The following KHDRBS3 variants were observed in gnomAD, a reference collection of about 807,000 sequenced individuals.
The protein encoded by KHDRBS3 is KH RNA binding domain containing, signal transduction associated 3, also known as KH domain-containing, RNA-binding, signal transduction-associated protein 3.
A neutral mutation model predicts 45.6 loss-of-function variants in KHDRBS3; 23 were observed. The observed-to-expected ratio is 0.50, with a 90% CI of 0.36 to 0.72. The LOEUF (loss-of-function observed/expected upper bound fraction) is 0.72. Ranked by LOEUF, KHDRBS3 falls within the 30% of genes least tolerant of loss-of-function variation. KHDRBS3 has a pLI of 0.00. For synonymous variants in KHDRBS3, 162 were observed against 156.5 expected, an observed-to-expected ratio of 1.04 and a Z score of -0.26; for missense variants, 352 against 424.8, an observed-to-expected ratio of 0.83 and a Z score of 1.51.
chr8:135,505,684 G>T (rs763157257), intron 1 of KHDRBS3, among the ~76,000 whole-genome samples: 13 of 152,098 alleles, frequency 8.5e-5, no homozygotes, highest in Non-Finnish European at 1.9e-4. Context: ...AGGAGCAAAA[G>T]AAGTAATTTG....
chr8:135,572,866 C>G (rs924444665), intron 5 of KHDRBS3, among the ~76,000 whole-genome samples: 1 of 152,204 alleles, frequency 6.6e-6, no homozygotes, highest in Non-Finnish European at 1.5e-5. Context: ...CTTTTGTCAG[C>G]CTTCTCATTT....
intron 1 of KHDRBS3, among the ~76,000 whole-genome samples, chr8:135,511,683 G>A (rs1824294575): frequency 6.6e-6 from 1 of 152,042 alleles, no homozygotes; most frequent in Non-Finnish European, 1.5e-5. Flanking sequence ...AGCCTCCCGA[G>A]TAGCTGGGAC....
intron 7 of KHDRBS3, among the ~76,000 whole-genome samples, chr8:135,638,800 T>C (rs890898907): frequency 2.3e-4 from 35 of 152,080 alleles, no homozygotes; most frequent in African/African-American, 7.5e-4. Flanking sequence ...ATACAAAAAT[T>C]AGCTGGGCAT....
Position 135,647,080 on chromosome 8 carries a change from A to T in KHDRBS3, c.1037A>T (p.Tyr346Phe). ...TACAGAGACCAGCCATATGGCAGAT[A>T]CTGATTGTACTGTCTGATGTTGTGA... Reference protein sequence around the residue: ...GVYRDQPYGRY With the variant: ...GVYRDQPYGRF The change falls in exon 9 of 9, where the codon TAC becomes TTC. Residue 346 changes from tyrosine to phenylalanine, a missense_variant. Physicochemically the swap from Tyr to Phe is conservative, Grantham distance 22. Coordinates refer to ENST00000355849, the MANE Select transcript of KHDRBS3 (RefSeq NM_006558.3). 1 of 1,559,090 alleles carries T rather than the reference A, an allele frequency of 6.4e-7. No individual in the cohort carries two copies. Among genetic ancestry groups the T allele is most frequent in the Non-Finnish European group, 8.8e-7 (1 of 1,130,018 alleles).
chr8:135,595,512 C>G (rs1828935551), intron 6 of KHDRBS3, among the ~76,000 whole-genome samples: 1 of 152,194 alleles, frequency 6.6e-6, no homozygotes, highest in Non-Finnish European at 1.5e-5. Context: ...ATGCGATAAT[C>G]TGAAGGTTAC....
chr8:135,463,228 T>C (rs1821522405), intron 1 of KHDRBS3, among the ~76,000 whole-genome samples: 1 of 152,160 alleles, frequency 6.6e-6, no homozygotes, highest in Non-Finnish European at 1.5e-5. Context: ...ACAGGGCCCT[T>C]GGGAACTCCT....
At chr8:135,579,526 G>A (rs1586751072) in intron 5 of KHDRBS3, among the ~76,000 whole-genome samples, 2 of 152,088 alleles carry the variant, frequency 1.3e-5, no homozygotes, top group Admixed American at 6.5e-5. Context: ...CAGTAGAGAC[G>A]GGGTTTCACC....
intron 7 of KHDRBS3, among the ~76,000 whole-genome samples, chr8:135,639,119 G>A (rs1412478244): frequency 6.6e-6 from 1 of 152,224 alleles, no homozygotes; most frequent in Non-Finnish European, 1.5e-5. Flanking sequence ...ACATGTGGAT[G>A]AGCATTGACC....
At chr8:135,463,968 T>G (rs1821567043) in intron 1 of KHDRBS3, among the ~76,000 whole-genome samples, 1 of 152,198 alleles carries the variant, frequency 6.6e-6, no homozygotes, top group African/African-American at 2.4e-5. Flanking sequence ...CCCCGCAAGA[T>G]CTTGCAAGGT....
intron 6 of KHDRBS3, among the ~76,000 whole-genome samples, chr8:135,604,696 T>G (rs1378624262): frequency 6.6e-6 from 1 of 151,958 alleles, no homozygotes; most frequent in African/African-American, 2.4e-5. Context: ...GTACATTGCA[T>G]ACCCATCAAC....
At chr8:135,525,588 G>A (rs1202518711) in intron 2 of KHDRBS3, among the ~76,000 whole-genome samples, 2 of 152,136 alleles carry the variant, frequency 1.3e-5, no homozygotes, top group African/African-American at 4.8e-5. Context: ...ATATTTATAG[G>A]TGGGCAGCCT....
intron 6 of KHDRBS3, among the ~76,000 whole-genome samples, chr8:135,588,537 G>A (rs985528190): frequency 1.3e-5 from 2 of 152,140 alleles, no homozygotes; most frequent in Non-Finnish European, 2.9e-5. Context: ...GGGACAGCAA[G>A]TTTCAACCCT....
intron 7 of KHDRBS3, chr8:135,625,611 C>CA: frequency 1.1e-6 from 1 of 919,194 alleles, no homozygotes; most frequent in Non-Finnish European, 1.8e-6. Flanking sequence ...GCCACAGGGT[C>CA]AGTCTTTTCC....
intron 5 of KHDRBS3, among the ~76,000 whole-genome samples, chr8:135,563,023 T>C (rs1827240933): frequency 6.6e-6 from 1 of 152,222 alleles, no homozygotes; most frequent in African/African-American, 2.4e-5. Flanking sequence ...ATTTTTTCTT[T>C]AATCATCTCT....
chr8:135,652,564 C>A (rs548702388), downstream of KHDRBS3, among the ~76,000 whole-genome samples: 2 of 152,320 alleles, frequency 1.3e-5, no homozygotes, highest in East Asian at 3.9e-4. Context: ...CATTCTCTGC[C>A]TGAAGTAACA....
intron 3 of KHDRBS3, among the ~76,000 whole-genome samples, chr8:135,543,012 A>G (rs184558059): frequency 6.6e-6 from 1 of 152,312 alleles, no homozygotes; most frequent in Admixed American, 6.5e-5. Context: ...GTAATATGTC[A>G]CCTTGTAGGA....
intron 1 of KHDRBS3, among the ~76,000 whole-genome samples, chr8:135,501,876 G>T (rs1198170489): frequency 6.6e-6 from 1 of 152,068 alleles, no homozygotes; most frequent in Non-Finnish European, 1.5e-5. Context: ...TCGGTCCTTG[G>T]CCTTATAACG....
At chr8:135,477,460 C>T (rs955443749) in intron 1 of KHDRBS3, among the ~76,000 whole-genome samples, 7 of 152,066 alleles carry the variant, frequency 4.6e-5, no homozygotes, top group African/African-American at 1.7e-4. Context: ...AATAAGTAAA[C>T]AGTTGTAAAG....
At chr8:135,651,624 T>G (rs1177283843), downstream of KHDRBS3, among the ~76,000 whole-genome samples, 1 of 152,162 alleles carries the variant, frequency 6.6e-6, no homozygotes, top group African/African-American at 2.4e-5. Flanking sequence ...TCCATTCCCT[T>G]GGGCAGATAT....
Sources: gnomAD v4.1 joint callset for allele counts (sites outside exome capture counted in the v4.1 genomes callset) on GRCh38, gnomAD v4.1.1 for gene constraint, MANE v1.5 for transcripts, NCBI Gene and HGNC (gene_info 2026-07-23, HGNC 2026-07-21) for gene names.